ARIH2: variants seen among roughly 807,000 people sequenced by gnomAD.
ARIH2 encodes ariadne RBR E3 ubiquitin protein ligase 2, also known as E3 ubiquitin-protein ligase ARIH2.
A neutral mutation model predicts 79.8 loss-of-function variants in ARIH2; 12 were observed. That is an observed-to-expected ratio of 0.15 (90% CI 0.10 to 0.24). ARIH2 has a LOEUF of 0.24. Ranked by LOEUF, ARIH2 falls within the 10% of genes least tolerant of loss-of-function variation. The pLI, the probability that ARIH2 is intolerant of heterozygous loss-of-function variation, is 1.00. For missense variants in ARIH2, 301 were observed against 618.3 expected (o/e 0.49, Z 5.44); for synonymous variants, 224 against 213.9 (o/e 1.05, Z -0.41).
chr3:48,970,344 A>C (rs755137564), intron 7 of ARIH2, among the ~76,000 whole-genome samples: 3 of 152,216 alleles, frequency 2.0e-5, no homozygotes, highest in Admixed American at 6.5e-5. Context: ...GGCAGGAGCC[A>C]CTATGCCTGG....
chr3:48,934,778 T>C, intron 3 of ARIH2: 2 of 985,426 alleles, frequency 2.0e-6, no homozygotes, highest in Middle Eastern at 1.0e-3. Context: ...TCTTGCCAGC[T>C]TAGAAAAGTT....
intron 11 of ARIH2, among the ~76,000 whole-genome samples, chr3:48,977,116 C>T (rs886992368): frequency 9.9e-5 from 15 of 151,706 alleles, no homozygotes; most frequent in African/African-American, 3.1e-4. Flanking sequence ...GCAGGAGAAT[C>T]GCTTGAACCA....
At chr3:48,928,682 G>A (rs375279237) in intron 3 of ARIH2, among the ~76,000 whole-genome samples, 1 of 151,796 alleles carries the variant, frequency 6.6e-6, no homozygotes, top group African/African-American at 2.4e-5. Context: ...TAACTAAGGT[G>A]TGCCTTGTAT....
At chr3:48,919,252 C>A in intron 1 of ARIH2, 2 of 1,224,362 alleles carry the variant, frequency 1.6e-6, no homozygotes, top group Non-Finnish European at 2.1e-6. Context: ...TCTGACCAAC[C>A]GGCGCCGGCA....
chr3:48,945,256 C>G, intron 3 of ARIH2: 1 of 1,237,170 alleles, frequency 8.1e-7, no homozygotes, highest in Admixed American at 2.3e-5. Flanking sequence ...AGTCTATTTG[C>G]AAGCTATGTT....
intron 6 of ARIH2, 117 bp from the exon 7 acceptor site, chr3:48,968,417 C>T (rs2091952454): frequency 2.1e-6 from 2 of 959,296 alleles, no homozygotes; most frequent in Non-Finnish European, 3.2e-6. Flanking sequence ...CCATATTGGT[C>T]AGACTGGTCT....
intron 3 of ARIH2, among the ~76,000 whole-genome samples, chr3:48,947,631 A>G (rs1404566457): frequency 6.6e-6 from 1 of 152,246 alleles, no homozygotes; most frequent in Non-Finnish European, 1.5e-5. Context: ...ATTATAAATA[A>G]AAAGTCAAAG....
At chr3:48,973,186 G>A (rs1219366404) in intron 8 of ARIH2, among the ~76,000 whole-genome samples, 1 of 152,220 alleles carries the variant, frequency 6.6e-6, no homozygotes, top group African/African-American at 2.4e-5. Flanking sequence ...GCCCACGCCT[G>A]TAATCCCAGC....
chr3:48,932,939 G>A (rs1249810394), intron 3 of ARIH2, among the ~76,000 whole-genome samples: 1 of 152,166 alleles, frequency 6.6e-6, no homozygotes, highest in Non-Finnish European at 1.5e-5. Context: ...ATGGGCATGG[G>A]AGTGGGAGGG....
intron 9 of ARIH2, 31 bp from the exon 10 acceptor site, chr3:48,974,786 T>A: frequency 6.2e-7 from 1 of 1,612,038 alleles, no homozygotes; most frequent in Non-Finnish European, 8.5e-7. Context: ...TGGTGGTGTG[T>A]GAGCCTAATG....
At chr3:48,937,873 C>A (rs1261185728) in intron 3 of ARIH2, among the ~76,000 whole-genome samples, 2 of 151,972 alleles carry the variant, frequency 1.3e-5, no homozygotes, top group Non-Finnish European at 2.9e-5. Context: ...CAATGAAACG[C>A]CGTCTCTACT....
intron 11 of ARIH2, among the ~76,000 whole-genome samples, chr3:48,976,927 G>A (rs553359386): frequency 3.3e-5 from 5 of 150,878 alleles, no homozygotes; most frequent in Admixed American, 2.0e-4. Context: ...CTGGCTGGGC[G>A]CGGTGGCTCA....
intron 1 of ARIH2, 59 bp from the exon 2 acceptor site, chr3:48,922,689 A>G (rs564537912): frequency 1.3e-5 from 2 of 152,302 alleles, no homozygotes; most frequent in South Asian, 4.1e-4. Flanking sequence ...AAAAAAAAAT[A>G]AACTTGCAAA....
chr3:48,921,754 T>C (rs1055417805), intron 1 of ARIH2, among the ~76,000 whole-genome samples: 2 of 151,862 alleles, frequency 1.3e-5, no homozygotes, highest in Non-Finnish European at 1.5e-5. Flanking sequence ...ATTTTTCTTT[T>C]TTTTTTTCTT....
chr3:48,931,891 C>T (rs537601603), intron 3 of ARIH2, among the ~76,000 whole-genome samples: 1 of 152,212 alleles, frequency 6.6e-6, no homozygotes, highest in Non-Finnish European at 1.5e-5. Context: ...CACCTGTAGT[C>T]CCAGCTACTC....
At chr3:48,955,152 C>T (rs562534675) in intron 3 of ARIH2, among the ~76,000 whole-genome samples, 7 of 152,230 alleles carry the variant, frequency 4.6e-5, no homozygotes, top group East Asian at 1.9e-4. Flanking sequence ...GAGCCAGCGT[C>T]GCGCCACTGT....
chr3:48,931,890 T>C (rs963012508), intron 3 of ARIH2, among the ~76,000 whole-genome samples: 2 of 152,016 alleles, frequency 1.3e-5, no homozygotes, highest in Non-Finnish European at 2.9e-5. Context: ...GCACCTGTAG[T>C]CCCAGCTACT....
intron 2 of ARIH2, among the ~76,000 whole-genome samples, chr3:48,923,156 G>C (rs994493630): frequency 4.6e-5 from 7 of 151,322 alleles, no homozygotes; most frequent in Non-Finnish European, 7.4e-5. Flanking sequence ...GCAGTGAGCC[G>C]AGATCCCGCC....
intron 3 of ARIH2, among the ~76,000 whole-genome samples, chr3:48,957,819 G>A (rs1470301118): frequency 2.0e-5 from 3 of 152,094 alleles, no homozygotes; most frequent in East Asian, 1.9e-4. Context: ...GGGTTCAAGC[G>A]ATTCTCCTGC....
Sources: allele counts gnomAD v4.1 joint callset (sites outside exome capture counted in the v4.1 genomes callset), GRCh38; gene constraint gnomAD v4.1.1; transcripts MANE v1.5; gene names NCBI Gene and HGNC (gene_info 2026-07-23, HGNC 2026-07-21).